The following PCDH9 variants were observed in gnomAD, a reference collection of about 807,000 sequenced individuals.
PCDH9 encodes protocadherin 9.
In PCDH9, 24 loss-of-function variants were observed where a neutral mutation model predicts 70.6. The observed-to-expected ratio is 0.34, with a 90% CI of 0.25 to 0.48. The LOEUF is 0.48. Ranked by LOEUF, PCDH9 falls within the 20% of genes least tolerant of loss-of-function variation. The pLI, the probability that PCDH9 is intolerant of heterozygous loss-of-function variation, is 0.99. For synonymous variants in PCDH9, 562 were observed against 558.5 expected, an observed-to-expected ratio of 1.01 and a Z score of -0.09; for missense variants, 1,281 against 1,503.6, an observed-to-expected ratio of 0.85 and a Z score of 2.45.
chr13:66,578,116 C>T (rs1030359378), intron 4 of PCDH9, among the ~76,000 whole-genome samples: 1 of 151,960 alleles, frequency 6.6e-6, no homozygotes, highest in Non-Finnish European at 1.5e-5. Flanking sequence ...TCCATAAAGA[C>T]ACTTGAAGCA....
chr13:67,150,454 G>A (rs185773647), intron 2 of PCDH9, among the ~76,000 whole-genome samples: 1 of 152,184 alleles, frequency 6.6e-6, no homozygotes, highest in Non-Finnish European at 1.5e-5. Context: ...GACTGCATTA[G>A]TAGGTAAAAA....
At chr13:67,100,410 CAT>C (rs909493375) in intron 2 of PCDH9, among the ~76,000 whole-genome samples, 2 of 152,246 alleles carry the variant, frequency 1.3e-5, no homozygotes, top group African/African-American at 4.8e-5. Flanking sequence ...AACCCTTAAA[CAT>C]ATGTGTAAAG....
At chr13:66,689,702 G>T (rs957721949) in intron 3 of PCDH9, among the ~76,000 whole-genome samples, 1 of 151,938 alleles carries the variant, frequency 6.6e-6, no homozygotes, top group South Asian at 2.1e-4. Context: ...CCTCAAAAAG[G>T]TATCTTCGGG....
chr13:67,023,977 A>G (rs1453519830), intron 2 of PCDH9, among the ~76,000 whole-genome samples: 2 of 151,932 alleles, frequency 1.3e-5, no homozygotes, highest in East Asian at 3.9e-4. Flanking sequence ...GATGGAAGAA[A>G]AAAAAAAGAA....
chr13:66,569,921 A>G (rs2076709018), intron 4 of PCDH9, among the ~76,000 whole-genome samples: 2 of 152,182 alleles, frequency 1.3e-5, no homozygotes, highest in African/African-American at 4.8e-5. Flanking sequence ...TATTTATCCA[A>G]GAAATAAAAA....
chr13:67,146,076 T>A (rs2087516497), intron 2 of PCDH9, among the ~76,000 whole-genome samples: 1 of 152,126 alleles, frequency 6.6e-6, no homozygotes, highest in African/African-American at 2.4e-5. Flanking sequence ...TTTTGCTGAA[T>A]GTTTTAGGCA....
chr13:66,450,990 C>T (rs1193820955), intron 4 of PCDH9, among the ~76,000 whole-genome samples: 2 of 152,068 alleles, frequency 1.3e-5, no homozygotes, highest in Admixed American at 1.3e-4. Flanking sequence ...GTACTCCAGC[C>T]TGGGCAACAG....
At chr13:66,463,048 T>TTC (rs1276602857) in intron 4 of PCDH9, among the ~76,000 whole-genome samples, 1 of 151,656 alleles carries the variant, frequency 6.6e-6, no homozygotes, top group South Asian at 2.1e-4. Context: ...ACAAATATAA[T>TTC]TCTCTCTCTC....
intron 4 of PCDH9, among the ~76,000 whole-genome samples, chr13:66,369,555 C>T (rs1956610043): frequency 6.6e-6 from 1 of 152,050 alleles, no homozygotes; most frequent in South Asian, 2.1e-4. Flanking sequence ...TAAAATAACA[C>T]ACTACCTCAG....
intron 2 of PCDH9, among the ~76,000 whole-genome samples, chr13:66,937,391 G>A (rs2082934248): frequency 1.3e-5 from 2 of 152,126 alleles, no homozygotes; most frequent in South Asian, 4.1e-4. Flanking sequence ...ATAGAAAATT[G>A]GGATCAGATT....
intron 2 of PCDH9, among the ~76,000 whole-genome samples, chr13:67,015,815 G>A (rs1186094996): frequency 6.6e-6 from 1 of 152,060 alleles, no homozygotes; most frequent in Non-Finnish European, 1.5e-5. Flanking sequence ...ATTCATCTAT[G>A]TTCCTATGGC....
chr13:66,767,603 GA>G (rs1210068304), intron 3 of PCDH9, among the ~76,000 whole-genome samples: 1 of 152,116 alleles, frequency 6.6e-6, no homozygotes, highest in East Asian at 1.9e-4. Flanking sequence ...TACTTTTCAG[GA>G]AAGAGTTATG....
chr13:67,053,924 ATAT>A (rs1286527503), intron 2 of PCDH9, among the ~76,000 whole-genome samples: 2 of 152,158 alleles, frequency 1.3e-5, no homozygotes, highest in African/African-American at 2.4e-5. Context: ...TATAAGCTAG[ATAT>A]TATTATCCCA....
intron 4 of PCDH9, among the ~76,000 whole-genome samples, chr13:66,473,765 A>G (rs1295893673): frequency 6.6e-6 from 1 of 152,200 alleles, no homozygotes; most frequent in Non-Finnish European, 1.5e-5. Context: ...AGATCTCAAC[A>G]TCTCCTTGGG....
intron 2 of PCDH9, among the ~76,000 whole-genome samples, chr13:67,045,530 G>A (rs2085207164): frequency 6.6e-6 from 1 of 151,010 alleles, no homozygotes; most frequent in Non-Finnish European, 1.5e-5. Context: ...TAATGCAGTG[G>A]TATTACCCAG....
intron 3 of PCDH9, among the ~76,000 whole-genome samples, chr13:66,852,904 T>C (rs2081337491): frequency 6.6e-6 from 1 of 152,042 alleles, no homozygotes; most frequent in Non-Finnish European, 1.5e-5. Flanking sequence ...ACATTTTTTT[T>C]TAACAATAGA....
At chr13:67,080,014 C>G (rs980655049) in intron 2 of PCDH9, among the ~76,000 whole-genome samples, 13 of 152,132 alleles carry the variant, frequency 8.5e-5, no homozygotes, top group African/African-American at 2.9e-4. Flanking sequence ...CAATGTACAC[C>G]TTCCTCATAA....
chr13:66,559,539 G>A (rs529184479), intron 4 of PCDH9, among the ~76,000 whole-genome samples: 6 of 152,008 alleles, frequency 3.9e-5, no homozygotes, highest in South Asian at 2.1e-4. Flanking sequence ...AGTGGCTCAC[G>A]CCTGTAATCC....
rs1348594944 is a variant in PCDH9, at chr13:66,497,259, A to C, written c.3340+133951T>G. 2.0e-5 allele frequency among the ~76,000 whole-genome samples: 3 copies of C among 151,888 alleles called. No homozygotes were observed. The East Asian group carries it at 5.8e-4, about 30-fold the overall frequency. On this transcript the variant is annotated intron_variant, in intron 4 of 4. Transcript: ENST00000377865. ...ATTTTTTTTTTTGTATTTTTGGTAGAAATGGGGTTTTGCCATATTGCCCAG... is the reference window on the plus strand; with the variant it reads ...ATTTTTTTTTTTGTATTTTTGGTAGCAATGGGGTTTTGCCATATTGCCCAG...
Sources: gnomAD v4.1 joint callset for allele counts (sites outside exome capture counted in the v4.1 genomes callset) on GRCh38, gnomAD v4.1.1 for gene constraint, MANE v1.5 for transcripts, NCBI Gene and HGNC (gene_info 2026-07-23, HGNC 2026-07-21) for gene names.